The following CNBD1 variants were observed in gnomAD, a reference collection of about 807,000 sequenced individuals.
CNBD1 encodes cyclic nucleotide-binding domain-containing protein 1.
A neutral mutation model predicts 54.4 loss-of-function variants in CNBD1; 71 were observed. The observed-to-expected ratio is 1.30, with a 90% CI of 1.08 to 1.59. CNBD1 has a LOEUF of 1.59. CNBD1 is among the 40% of genes most tolerant of loss of function. The pLI is 0.00. For missense variants in CNBD1, 659 were observed against 518.0 expected (o/e 1.27, Z -2.64); for synonymous variants, 182 against 170.7 (o/e 1.07, Z -0.51).
chr8:87,276,976 ATTATT>A (rs370701960), intron 6 of CNBD1, among the ~76,000 whole-genome samples: 23 of 145,576 alleles, frequency 1.6e-4, no homozygotes, highest in African/African-American at 2.4e-4. Flanking sequence ...AGCTTGAATA[ATTATT>A]TTTTTTTTTT....
At chr8:86,968,910 C>G (rs1279809824) in intron 4 of CNBD1, among the ~76,000 whole-genome samples, 1 of 152,142 alleles carries the variant, frequency 6.6e-6, no homozygotes, top group Non-Finnish European at 1.5e-5. Flanking sequence ...GATAAGCTAT[C>G]AATTTACATT....
intron 5 of CNBD1, among the ~76,000 whole-genome samples, chr8:87,218,929 G>A (rs187182052): frequency 1.3e-5 from 2 of 151,638 alleles, no homozygotes; most frequent in East Asian, 3.9e-4. Context: ...CTGTATTTTT[G>A]TATGCTCACA....
chr8:87,007,481 G>A (rs1483240303), intron 4 of CNBD1, among the ~76,000 whole-genome samples: 1 of 151,998 alleles, frequency 6.6e-6, no homozygotes, highest in Admixed American at 6.5e-5. Context: ...TCAGTGCTAT[G>A]TTTTAGCAGC....
At chr8:87,353,861 T>G (rs1810360921) in intron 10 of CNBD1, 75 bp downstream of exon 10, 7 of 1,142,090 alleles carry the variant, frequency 6.1e-6, no homozygotes, top group Non-Finnish European at 7.4e-6. Flanking sequence ...ATTTTTTTCC[T>G]TATTAATCAG....
intron 6 of CNBD1, among the ~76,000 whole-genome samples, chr8:87,265,188 G>A (rs1029773033): frequency 8.5e-5 from 13 of 152,174 alleles, no homozygotes; most frequent in African/African-American, 3.1e-4. Flanking sequence ...TAAGGTGTAA[G>A]GAAGGGATCC....
At chr8:86,961,192 G>A (rs1392899416) in intron 4 of CNBD1, among the ~76,000 whole-genome samples, 2 of 152,154 alleles carry the variant, frequency 1.3e-5, no homozygotes, top group Non-Finnish European at 2.9e-5. Context: ...CCAATAGCTT[G>A]GAACCCTAGC....
intron 8 of CNBD1, among the ~76,000 whole-genome samples, chr8:87,303,902 G>A (rs1191458175): frequency 6.6e-6 from 1 of 152,102 alleles, no homozygotes; most frequent in Non-Finnish European, 1.5e-5. Context: ...ACCATCACTG[G>A]CCATCAGAGA....
chr8:87,219,691 A>G (rs1456474267), intron 5 of CNBD1, among the ~76,000 whole-genome samples: 1 of 152,068 alleles, frequency 6.6e-6, no homozygotes, highest in Non-Finnish European at 1.5e-5. Flanking sequence ...TCGTAATTAA[A>G]TAAGAAACAC....
intron 1 of CNBD1, among the ~76,000 whole-genome samples, chr8:86,870,361 A>AT (rs1247268706): frequency 6.6e-6 from 1 of 151,224 alleles, no homozygotes. Flanking sequence ...CGCCTGGCTA[A>AT]TTTTTTTGTA....
At chr8:87,100,432 A>T (rs1319672749) in intron 4 of CNBD1, among the ~76,000 whole-genome samples, 1 of 152,150 alleles carries the variant, frequency 6.6e-6, no homozygotes, top group African/African-American at 2.4e-5. Flanking sequence ...GTATTGTCTC[A>T]TAGTACTTCT....
rs142336437 is a variant in CNBD1, at chr8:86,957,256, C to T, written c.431+17502C>T. The stretch of plus-strand genomic sequence containing the variant: ...AGTATTTTACTGAAGATTTTTGCAT[C>T]GATGTTCATCAGGGATATTGATCTA... On this transcript the variant is annotated intron_variant, in intron 4 of 10. Transcript: ENST00000518476. Among the ~76,000 whole-genome samples the T allele has an allele frequency of 6.6e-3, 1,001 of 152,190 alleles. 19 individuals carry two copies. The highest frequency in any genetic ancestry group is 0.023 in the African/African-American group (935 of 41,512).
intron 4 of CNBD1, among the ~76,000 whole-genome samples, chr8:87,030,204 T>A (rs1809751093): frequency 6.6e-6 from 1 of 152,186 alleles, no homozygotes; most frequent in South Asian, 2.1e-4. Flanking sequence ...GGAGTCACCA[T>A]GGAAACTGTC....
In CNBD1 at chr8:87,374,621, G is replaced by T. The variant is rs377447865; in HGVS notation, c.1304-7999G>T. 4.6e-5 allele frequency among the ~76,000 whole-genome samples: 7 copies of T among 151,862 alleles called. No individual in the cohort carries two copies. In the East Asian group the frequency reaches 1.4e-3, roughly 30 times the overall value. On this transcript the variant is annotated intron_variant, in intron 10 of 10. Coordinates refer to ENST00000518476, the MANE Select transcript of CNBD1 (RefSeq NM_173538.3). ...CACGTTAAATTTCCCAGCCTCTCTA[G>T]CAGTTAGGTTGGAGCCATGTAACTG...
At chr8:87,142,106 C>A (rs1178074954) in intron 4 of CNBD1, among the ~76,000 whole-genome samples, 6 of 151,990 alleles carry the variant, frequency 3.9e-5, no homozygotes, top group African/African-American at 1.4e-4. Context: ...TTTTTGAAAT[C>A]TATTTGGTGA....
At chr8:87,348,434 G>T (rs1457274148) in intron 8 of CNBD1, among the ~76,000 whole-genome samples, 5 of 151,984 alleles carry the variant, frequency 3.3e-5, no homozygotes, top group African/African-American at 4.8e-5. Context: ...ATATATATTT[G>T]GAAGGAGAAT....
intron 2 of CNBD1, among the ~76,000 whole-genome samples, chr8:87,388,634 A>G (rs1483138795): frequency 6.6e-6 from 1 of 152,200 alleles, no homozygotes; most frequent in Non-Finnish European, 1.5e-5. Flanking sequence ...AAAAAAGTCC[A>G]GGGCCAGATG....
chr8:87,324,676 T>G (rs1350166500), intron 8 of CNBD1, among the ~76,000 whole-genome samples: 1 of 151,914 alleles, frequency 6.6e-6, no homozygotes, highest in Non-Finnish European at 1.5e-5. Context: ...TTATTGTGTC[T>G]ATTTGATTCT....
chr8:87,165,086 AT>A (rs1287714618), intron 4 of CNBD1, among the ~76,000 whole-genome samples: 2 of 150,678 alleles, frequency 1.3e-5, no homozygotes, highest in Non-Finnish European at 3.0e-5. Flanking sequence ...TGAATTTTCC[AT>A]TTTTTCCTAT....
chr8:86,912,536 T>C (rs1809115901), intron 3 of CNBD1, among the ~76,000 whole-genome samples: 1 of 152,226 alleles, frequency 6.6e-6, no homozygotes, highest in African/African-American at 2.4e-5. Flanking sequence ...CTTATGTTTT[T>C]ATGATGATGT....
Sources: gnomAD v4.1 joint callset for allele counts (sites outside exome capture counted in the v4.1 genomes callset) on GRCh38, gnomAD v4.1.1 for gene constraint, MANE v1.5 for transcripts, NCBI Gene and HGNC (gene_info 2026-07-23, HGNC 2026-07-21) for gene names.